The following CCDC13 variants were observed in gnomAD, a reference collection of about 807,000 sequenced individuals.
CCDC13 encodes the protein coiled-coil domain-containing protein 13.
A neutral mutation model predicts 87.3 loss-of-function variants in CCDC13; 70 were observed. The observed-to-expected ratio is 0.80, with a 90% confidence interval of 0.66 to 0.98. The LOEUF is 0.98. Among genes scored for constraint, CCDC13 ranks in the 50% least tolerant of loss-of-function variants. CCDC13 has a pLI of 0.00. For missense variants in CCDC13, 842 were observed against 892.0 expected (o/e 0.94, Z 0.71); for synonymous variants, 317 against 360.3 (o/e 0.88, Z 1.36).
rs572445459 is a variant in CCDC13, at chr3:42,769,828, C to G, written c.-7+3348G>C. Among the ~76,000 whole-genome samples the G allele has an allele frequency of 1.2e-4, 19 of 152,374 alleles. No homozygotes were observed. The South Asian group carries it at 3.7e-3, about 30-fold the overall frequency. Reference sequence around the variant, plus strand: ...CAAGCAGCCGGCTGGCCGCAAGCCCCTGGCAGTGAGGAGCTTAGCACCTGG... The same window carrying G: ...CAAGCAGCCGGCTGGCCGCAAGCCCGTGGCAGTGAGGAGCTTAGCACCTGG... On this transcript the variant is annotated intron_variant, in intron 1 of 15. Coordinates refer to ENST00000310232, the MANE Select transcript of CCDC13 (RefSeq NM_144719.4).
At position 42,725,232 on chromosome 3, in the gene CCDC13, T is replaced by G. The variant is rs117317543; in HGVS notation, c.1718+5235A>C. ...CATTATTGGTAAGAATGTAAATTGATTCATTTTAAAAGGCAATTTGTCATG... is the reference window on the plus strand; with the variant it reads ...CATTATTGGTAAGAATGTAAATTGAGTCATTTTAAAAGGCAATTTGTCATG... On this transcript the variant is annotated intron_variant, in intron 13 of 15. Coordinates refer to ENST00000310232, the MANE Select transcript of CCDC13 (RefSeq NM_144719.4). Among the ~76,000 whole-genome samples the G allele has an allele frequency of 5.2e-4, 79 of 152,304 alleles. No individual in the cohort carries two copies. In the East Asian group the frequency reaches 0.013, roughly 25 times the overall value.
intron 1 of CCDC13, among the ~76,000 whole-genome samples, chr3:42,767,042 A>G (rs749735459): frequency 6.6e-6 from 1 of 152,208 alleles, no homozygotes. Flanking sequence ...ACATCATACT[A>G]GAAGTTCTAC....
chr3:42,713,284 G>C lies in CCDC13; in HGVS notation c.1751C>G (p.Ser584Ter), dbSNP rs1400859184. Residue 584 changes from serine (S) to a stop codon, truncating the protein, a stop_gained, in exon 14 of 16, where the codon TCA becomes TGA. Coordinates refer to ENST00000310232, the MANE Select transcript of CCDC13 (RefSeq NM_144719.4). LOFTEE classifies it high-confidence loss of function. ...VEESNSKLLE[S>*]ERKLQEERHR... Reference sequence around the variant, plus strand: ...TCGCTCCTCCTGCAGCTTCCTCTCTGACTCCAGGAGCTTGCTGTTGCTCTC... The same window carrying C: ...TCGCTCCTCCTGCAGCTTCCTCTCTCACTCCAGGAGCTTGCTGTTGCTCTC... The C allele has an allele frequency of 8.7e-6, 14 of 1,614,094 alleles. No individual in the cohort carries two copies. Among genetic ancestry groups the C allele is most frequent in the Non-Finnish European group, 1.2e-5 (14 of 1,180,010 alleles).
At chr3:42,733,328 A>T in intron 11 of CCDC13, 142 bp downstream of exon 11, 1 of 1,031,016 alleles carries the variant, frequency 9.7e-7, no homozygotes. Flanking sequence ...ATGTCATAGG[A>T]GAGGCCCACG....
At position 42,713,161 on chromosome 3, in the gene CCDC13, C is replaced by A; in HGVS notation, c.1873+1G>T. ...ACTGAGACTACTGCCCTGGCCCCTA[C>A]CTGTTTTGGTCCTGGGAGCTGCTCT... On this transcript the variant is annotated splice_donor_variant, in intron 14 of 15. Transcript: ENST00000310232. LOFTEE classifies it high-confidence loss of function. 6.2e-7 allele frequency: 1 copy of A among 1,613,610 alleles called. No homozygotes were observed. The highest frequency in any genetic ancestry group is 8.5e-7 in the Non-Finnish European group (1 of 1,179,744).
chr3:42,720,405 C>T (rs541234954), intron 13 of CCDC13, among the ~76,000 whole-genome samples: 5 of 152,170 alleles, frequency 3.3e-5, no homozygotes, highest in East Asian at 1.9e-4. Flanking sequence ...AGAAGTTAGA[C>T]GCTGGAAAGA....
At chr3:42,733,825 G>T (rs1362802578) in intron 10 of CCDC13, among the ~76,000 whole-genome samples, 8 of 152,214 alleles carry the variant, frequency 5.3e-5, no homozygotes. Flanking sequence ...ATGGTGTGAG[G>T]ACGGTGACTG....
chr3:42,755,540 G>A (rs1383784306), intron 3 of CCDC13, among the ~76,000 whole-genome samples: 1 of 152,240 alleles, frequency 6.6e-6, no homozygotes, highest in Non-Finnish European at 1.5e-5. Context: ...CCAGGAAGTG[G>A]AGGTTGTGGT....
intron 3 of CCDC13, among the ~76,000 whole-genome samples, chr3:42,755,208 C>G (rs565970059): frequency 6.6e-6 from 1 of 151,932 alleles, no homozygotes; most frequent in East Asian, 1.9e-4. Flanking sequence ...AAAAACTGTA[C>G]GAAAAATATA....
At chr3:42,756,307 G>C (rs1233134454) in intron 3 of CCDC13, among the ~76,000 whole-genome samples, 1 of 152,134 alleles carries the variant, frequency 6.6e-6, no homozygotes, top group Non-Finnish European at 1.5e-5. Flanking sequence ...CATCAGCAGG[G>C]CAAAAGTCAA....
chr3:42,754,175 G>A (rs976214242), intron 3 of CCDC13, among the ~76,000 whole-genome samples: 1 of 152,166 alleles, frequency 6.6e-6, no homozygotes, highest in South Asian at 2.1e-4. Context: ...AAGAAGAAGG[G>A]TGACAACTGG....
At chr3:42,759,370 G>GT (rs1699782298) in intron 1 of CCDC13, among the ~76,000 whole-genome samples, 1 of 151,244 alleles carries the variant, frequency 6.6e-6, no homozygotes, top group Non-Finnish European at 1.5e-5. Flanking sequence ...ATTCACTTGT[G>GT]TAAACCACCT....
At chr3:42,714,083 T>A (rs1487669621) in intron 13 of CCDC13, 1 of 152,216 alleles carries the variant, frequency 6.6e-6, no homozygotes, top group African/African-American at 2.4e-5. Context: ...GCCCCCTCCA[T>A]CTTTAAAGCC....
chr3:42,708,870 G>T lies in CCDC13; in HGVS notation c.*110C>A, dbSNP rs969147171. 6 of 1,166,790 alleles carry T rather than the reference G, an allele frequency of 5.1e-6. No homozygotes were observed. The highest frequency in any genetic ancestry group is 4.8e-4 in the Middle Eastern group (2 of 4,178). 72.3% of individuals were successfully genotyped at this position (1,166,790 alleles called of 1,614,324 possible). ...AGCCTCTTCTGGTAGAAGTGGTTGA[G>T]CTGGCTGCCCTGGGCTGGCTTCCCG... On this transcript the variant is annotated 3_prime_UTR_variant, in exon 16 of 16. Coordinates refer to ENST00000310232, the MANE Select transcript of CCDC13 (RefSeq NM_144719.4).
At position 42,708,944 on chromosome 3, in the gene CCDC13, C is replaced by T. The variant is rs1174614921; in HGVS notation, c.*36G>A. 2 of 1,585,054 alleles carry T rather than the reference C, an allele frequency of 1.3e-6. No individual in the cohort carries two copies. The highest frequency in any genetic ancestry group is 2.3e-5 in the South Asian group (2 of 85,438). ...AGTCTTATCCTCTCAAGACCTGAGGCTGCCCACCCGGCCAGGCCGACACTG... is the reference window on the plus strand; with the variant it reads ...AGTCTTATCCTCTCAAGACCTGAGGTTGCCCACCCGGCCAGGCCGACACTG... On this transcript the variant is annotated 3_prime_UTR_variant, in exon 16 of 16. Transcript: ENST00000310232.
chr3:42,764,273 C>T lies in CCDC13; in HGVS notation c.-6-5922G>A, dbSNP rs116424919. ...AGGGTATAATGAGGCGTGTCCAACC[C>T]TTGCTTCCCATCAAGGCCTGAACTG... On this transcript the variant is annotated intron_variant, in intron 1 of 15. Coordinates refer to ENST00000310232, the MANE Select transcript of CCDC13 (RefSeq NM_144719.4). Among the ~76,000 whole-genome samples the T allele has an allele frequency of 2.6e-3, 390 of 152,292 alleles. 3 individuals are homozygous for T. The highest frequency in any genetic ancestry group is 9.0e-3 in the African/African-American group (376 of 41,566).
chr3:42,742,994 C>T lies in CCDC13; in HGVS notation c.889G>A (p.Glu297Lys), dbSNP rs1699267695. 1 of 1,614,090 alleles carries T rather than the reference C, an allele frequency of 6.2e-7. No homozygotes were observed. The highest frequency in any genetic ancestry group is 1.7e-5 in the Admixed American group (1 of 60,008). ...CTTGGGTCTGGATAGACAGACAACT[C>T]ATCACTGGCTGTTCCCGCAGACTGG... ...RSQSAGTASD[E>K]LSVYPDPRKL... The change falls in exon 8 of 16, where the codon GAG becomes AAG. Residue 297 changes from glutamate to lysine, a missense_variant. Glu to Lys is a moderately conservative substitution (Grantham distance 56). Coordinates refer to ENST00000310232, the MANE Select transcript of CCDC13 (RefSeq NM_144719.4).
intron 1 of CCDC13, among the ~76,000 whole-genome samples, chr3:42,768,783 G>A (rs1479660103): frequency 6.6e-6 from 1 of 152,036 alleles, no homozygotes; most frequent in African/African-American, 2.4e-5. Context: ...TTTGACAAAG[G>A]ACTACATCCA....
intron 13 of CCDC13, among the ~76,000 whole-genome samples, chr3:42,715,448 C>T (rs1698410142): frequency 6.6e-6 from 1 of 151,946 alleles, no homozygotes; most frequent in Admixed American, 6.5e-5. Context: ...ATATCTACAA[C>T]AAAAAATACA....
Sources: gnomAD v4.1 joint callset for allele counts (sites outside exome capture counted in the v4.1 genomes callset) on GRCh38, gnomAD v4.1.1 for gene constraint, MANE v1.5 for transcripts, NCBI Gene and HGNC (gene_info 2026-07-23, HGNC 2026-07-21) for gene names.